Variants in BRIP1 observed in about 807,000 individuals in gnomAD.
BRIP1 encodes Fanconi anemia group J protein.
In BRIP1, 88 loss-of-function variants were observed where a neutral mutation model predicts 119.7. The observed-to-expected ratio is 0.74, with a 90% confidence interval of 0.62 to 0.88. The LOEUF (loss-of-function observed/expected upper bound fraction) is 0.88, where lower values mean the gene tolerates loss of function less well. Ranked by LOEUF, BRIP1 falls within the 40% of genes least tolerant of loss-of-function variation. BRIP1 has a pLI of 0.00. For synonymous variants in BRIP1, 443 were observed against 496.5 expected (o/e 0.89, Z 1.43); for missense variants, 1,259 against 1,455.4 (o/e 0.87, Z 2.20).
chr17:61,723,365 C>T (rs2062014025), intron 16 of BRIP1, among the ~76,000 whole-genome samples: 1 of 152,166 alleles, frequency 6.6e-6, no homozygotes, highest in African/African-American at 2.4e-5. Context: ...GGCATGCTTT[C>T]CAAACAAATA....
At position 61,713,885 on chromosome 17, in the gene BRIP1, GA is replaced by G. The variant is rs1365054138; in HGVS notation, c.2492+2065del. ...ATAAAAAATAAAAATTTCAAAAATA[GA>G]AAAAGCTTATAGAATAAGGATATAA... On this transcript the variant is annotated intron_variant, in intron 17 of 19. Transcript: ENST00000259008. The surrounding 1 kb of genome is among the most constrained non-coding windows in gnomAD (Gnocchi z 4.9). Among the ~76,000 whole-genome samples the G allele has an allele frequency of 3.3e-5, 5 of 151,776 alleles. No individual in the cohort carries two copies. Among genetic ancestry groups the G allele is most frequent in the African/African-American group, 9.7e-5 (4 of 41,326 alleles).
rs2076827267 is a variant in BRIP1, at chr17:61,730,257, C to T, written c.2379+12756G>A. Among the ~76,000 whole-genome samples the T allele has an allele frequency of 6.6e-6, 1 of 152,014 alleles. No individual in the cohort carries two copies. The highest frequency in any genetic ancestry group is 2.1e-4 in the South Asian group (1 of 4,836). ...TGTTATTTGAGACCTTAAAGCTTTACAGTTAGAAAAAAAAGTGACATAGTC... is the reference window on the plus strand; with the variant it reads ...TGTTATTTGAGACCTTAAAGCTTTATAGTTAGAAAAAAAAGTGACATAGTC... On this transcript the variant is annotated intron_variant, in intron 16 of 19. Transcript: ENST00000259008. This position sits in a 1 kb window ranked among gnomAD's most constrained non-coding sequence, Gnocchi z 4.3.
rs1038966789 is a variant in BRIP1, at chr17:61,831,920, C to G, written c.627+15181G>C. ...ACACTCATAATTTTCAGTGTACAGA[C>G]AGACAGATACAGAAAAAATATAGAC... On this transcript the variant is annotated intron_variant, in intron 6 of 19. Transcript: ENST00000259008. The surrounding 1 kb of genome is among the most constrained non-coding windows in gnomAD (Gnocchi z 4.1). Among the ~76,000 whole-genome samples the G allele has an allele frequency of 6.6e-6, 1 of 152,042 alleles. No homozygotes were observed. The highest frequency in any genetic ancestry group is 1.5e-5 in the Non-Finnish European group (1 of 67,992).
rs370764289 is a variant in BRIP1 at position 61,852,901 on chromosome 17, C to G, written c.380-3645G>C. Among the ~76,000 whole-genome samples, 1 of 151,870 alleles carries G rather than the reference C, an allele frequency of 6.6e-6. No individual in the cohort carries two copies. Among genetic ancestry groups the G allele is most frequent in the Admixed American group, 6.6e-5 (1 of 15,250 alleles). ...GCTGCAGGGGTTGGAGGGATCTGAC[C>G]GGGGACGCATAAATTGATTCAACCA... is the stretch of plus-strand genomic sequence containing the variant. On this transcript the variant is annotated intron_variant, in intron 4 of 19. Coordinates refer to ENST00000259008, the MANE Select transcript of BRIP1 (RefSeq NM_032043.3). The surrounding 1 kb of genome is among the most constrained non-coding windows in gnomAD (Gnocchi z 4.9).
intron 16 of BRIP1, among the ~76,000 whole-genome samples, chr17:61,727,093 G>A (rs1243000049): frequency 6.6e-6 from 1 of 152,180 alleles, no homozygotes; most frequent in Admixed American, 6.5e-5. Flanking sequence ...CAGTAATGGT[G>A]CATTCAGCAG....
chr17:61,784,357 C>T lies in BRIP1; in HGVS notation c.1541G>A (p.Arg514Lys), dbSNP rs2145138549. The T allele has an allele frequency of 6.2e-7, 1 of 1,613,250 alleles. No homozygotes were observed. Among genetic ancestry groups the T allele is most frequent in the Non-Finnish European group, 8.5e-7 (1 of 1,179,326 alleles). The change falls in exon 11 of 20, where the codon AGA (arginine) becomes AAA (lysine). Residue 514 changes from arginine (R) to lysine (K), a missense_variant. Physicochemically the swap from Arg to Lys is conservative, Grantham distance 26 (BLOSUM62 2). Coordinates refer to ENST00000259008, the MANE Select transcript of BRIP1 (RefSeq NM_032043.3). ...ISPIYGKEEAREVPVISASTQ... is the reference protein window; with the variant it reads ...ISPIYGKEEAKEVPVISASTQ... Reference sequence around the variant, plus strand: ...TGATGCACTAATAACAGGTACTTCTCTTGCCTCCTCTTTACCATAAATTGG... The same window carrying T: ...TGATGCACTAATAACAGGTACTTCTTTTGCCTCCTCTTTACCATAAATTGG...
rs2061319595 is a variant in BRIP1 at position 61,683,934 on chromosome 17, T to C, written c.3112A>G (p.Thr1038Ala). 6.2e-7 allele frequency: 1 copy of C among 1,614,056 alleles called. No homozygotes were observed. Among genetic ancestry groups the C allele is most frequent in the South Asian group, 1.1e-5 (1 of 91,078 alleles). The change falls in exon 20 of 20, where the codon ACA (threonine) becomes GCA (alanine). Residue 1038 changes from threonine to alanine, a missense_variant. Physicochemically the swap from Thr to Ala is moderately conservative, Grantham distance 58 (BLOSUM62 0). Around this residue, in one of 3 missense-constraint regions of BRIP1, gnomAD observed 753 missense variants for 891.8 expected, o/e 0.84. Coordinates refer to ENST00000259008, the MANE Select transcript of BRIP1 (RefSeq NM_032043.3). The surrounding 1 kb of genome is among the most constrained non-coding windows in gnomAD (Gnocchi z 4.7). Reference sequence around the variant, plus strand: ...ACAGTTTTACTTTCCATCTTCTCTGTTTTGAAACGGGGAGGACTAGAGGCA... The same window carrying C: ...ACAGTTTTACTTTCCATCTTCTCTGCTTTGAAACGGGGAGGACTAGAGGCA... Reference protein sequence around the residue: ...NSASSPPRFKTEKMESKTVLP... With the variant: ...NSASSPPRFKAEKMESKTVLP...
chr17:61,719,456 G>A (rs1212342274), intron 16 of BRIP1, among the ~76,000 whole-genome samples: 1 of 152,126 alleles, frequency 6.6e-6, no homozygotes, highest in Non-Finnish European at 1.5e-5. Context: ...CAGGCACGGT[G>A]GCTCAGGCCT....
At position 61,684,911 on chromosome 17, in the gene BRIP1, C is replaced by T. The variant is rs1395839782; in HGVS notation, c.2906-771G>A. The T allele has an allele frequency of 6.6e-6, 1 of 152,124 alleles. No individual in the cohort carries two copies. The highest frequency in any genetic ancestry group is 2.4e-5 in the African/African-American group (1 of 41,426). 9.4% of individuals were successfully genotyped at this position (152,124 alleles called of 1,614,324 possible). Reference sequence around the variant, plus strand: ...GGGATTACAGACAGCTGCCTCCACACCCAGCTAATTTTTGTATTTTTTTAG... The same window carrying T: ...GGGATTACAGACAGCTGCCTCCACATCCAGCTAATTTTTGTATTTTTTTAG... On this transcript the variant is annotated intron_variant, in intron 19 of 19. Transcript: ENST00000259008. This position sits in a 1 kb window ranked among gnomAD's most constrained non-coding sequence, Gnocchi z 4.5.
intron 10 of BRIP1, among the ~76,000 whole-genome samples, chr17:61,785,108 A>T (rs1290443661): frequency 1.3e-5 from 2 of 152,202 alleles, no homozygotes; most frequent in Non-Finnish European, 2.9e-5. Context: ...GGAATTAAAT[A>T]AAAATGTAGC....
At chr17:61,728,612 G>A (rs988780373) in intron 16 of BRIP1, among the ~76,000 whole-genome samples, 1 of 152,196 alleles carries the variant, frequency 6.6e-6, no homozygotes, top group Admixed American at 6.5e-5. Context: ...GGAAACTGTT[G>A]GGAGGATGTG....
In BRIP1 at chr17:61,802,780, T is replaced by C. The variant is rs2078015407; in HGVS notation, c.919-1306A>G. Among the ~76,000 whole-genome samples, 1 of 152,190 alleles carries C rather than the reference T, an allele frequency of 6.6e-6. No individual in the cohort carries two copies. The highest frequency in any genetic ancestry group is 6.5e-5 in the Admixed American group (1 of 15,272). ...TGCTGGTTTCTAAATATTTTCTTAG[T>C]CTATATTTTTAGAAATGGCATTATG... is the stretch of plus-strand genomic sequence containing the variant. On this transcript the variant is annotated intron_variant, in intron 7 of 19. Transcript: ENST00000259008. The surrounding 1 kb of genome is among the most constrained non-coding windows in gnomAD (Gnocchi z 6.0).
Position 61,693,782 on chromosome 17 carries a change from G to GACTAGAAT in BRIP1, c.2493-271_2493-270insATTCTAGT, listed in dbSNP as rs1400766166. Reference sequence around the variant, plus strand: ...GAAAATTATAGAAAATATATTCTAAGATCTTTCTTAGCCACATAGACTGTT... The same window carrying GACTAGAAT: ...GAAAATTATAGAAAATATATTCTAAGACTAGAATATCTTTCTTAGCCACATAGACTGTT... On this transcript the variant is annotated intron_variant, in intron 17 of 19. Transcript: ENST00000259008. This position sits in a 1 kb window ranked among gnomAD's most constrained non-coding sequence, Gnocchi z 4.2. Among the ~76,000 whole-genome samples, 2 of 152,014 alleles carry GACTAGAAT rather than the reference G, an allele frequency of 1.3e-5. No homozygotes were observed. Among genetic ancestry groups the GACTAGAAT allele is most frequent in the African/African-American group, 4.8e-5 (2 of 41,416 alleles).
Position 61,844,077 on chromosome 17 carries a change from C to A in BRIP1, c.627+3024G>T, listed in dbSNP as rs1195474209. Among the ~76,000 whole-genome samples the A allele has an allele frequency of 6.6e-6, 1 of 151,934 alleles. No individual in the cohort carries two copies. The highest frequency in any genetic ancestry group is 1.9e-4 in the East Asian group (1 of 5,146). Reference sequence around the variant, plus strand: ...TAGCTAGGACTACAAGTACACACCACCACACACAGCTATTTTTTTTCTTCT... The same window carrying A: ...TAGCTAGGACTACAAGTACACACCAACACACACAGCTATTTTTTTTCTTCT... On this transcript the variant is annotated intron_variant, in intron 6 of 19. Coordinates refer to ENST00000259008, the MANE Select transcript of BRIP1 (RefSeq NM_032043.3). The surrounding 1 kb of genome is among the most constrained non-coding windows in gnomAD (Gnocchi z 4.7).
At position 61,726,192 on chromosome 17, in the gene BRIP1, CT is replaced by C. The variant is rs1279101107; in HGVS notation, c.2380-10130del. ...TAATTTCCTTTCTCAATTTCTTCGT[CT>C]GTAAGAAGGGGCTTAGAATTAGAAG... On this transcript the variant is annotated intron_variant, in intron 16 of 19. Transcript: ENST00000259008. The surrounding 1 kb of genome is among the most constrained non-coding windows in gnomAD (Gnocchi z 6.2). 1.3e-5 allele frequency among the ~76,000 whole-genome samples: 2 copies of C among 152,172 alleles called. No individual in the cohort carries two copies. The highest frequency in any genetic ancestry group is 2.9e-5 in the Non-Finnish European group (2 of 68,032).
At chr17:61,719,265 A>G (rs1158148663) in intron 16 of BRIP1, among the ~76,000 whole-genome samples, 1 of 151,254 alleles carries the variant, frequency 6.6e-6, no homozygotes, top group Non-Finnish European at 1.5e-5. Flanking sequence ...GTGGATAAAG[A>G]AAATGTGGTA....
chr17:61,807,878 TCCA>T lies in BRIP1; in HGVS notation c.918+586_918+588del, dbSNP rs1390364777. On this transcript the variant is annotated intron_variant, in intron 7 of 19. Coordinates refer to ENST00000259008, the MANE Select transcript of BRIP1 (RefSeq NM_032043.3). The surrounding 1 kb of genome is among the most constrained non-coding windows in gnomAD (Gnocchi z 4.5). ...CTTTAGTAAGAAAGAATTCTCTATT[TCCA>T]CCAAGCCCAAATTCATATTATTCTA... 6.6e-6 allele frequency among the ~76,000 whole-genome samples: 1 copy of T among 152,080 alleles called. No homozygotes were observed. The highest frequency in any genetic ancestry group is 6.5e-5 in the Admixed American group (1 of 15,276).
At chr17:61,772,188 T>C (rs192430559) in intron 14 of BRIP1, among the ~76,000 whole-genome samples, 2 of 87,444 alleles carry the variant, frequency 2.3e-5, no homozygotes, top group Admixed American at 1.5e-4. Context: ...TATATATATA[T>C]ATATATATAT....
Position 61,744,356 on chromosome 17 carries a change from A to T in BRIP1, c.2257+76T>A. 6.8e-7 allele frequency: 1 copy of T among 1,470,908 alleles called. No homozygotes were observed. Among genetic ancestry groups the T allele is most frequent in the Non-Finnish European group, 9.4e-7 (1 of 1,064,842 alleles). The allele number at this position is 1,470,908 out of a possible 1,614,324, so 91.1% of individuals were successfully genotyped here. A position where few individuals can be genotyped will look rare whatever the true frequency, so the allele number is the denominator to read the frequency against. On this transcript the variant is annotated intron_variant, in intron 15 of 19. Coordinates refer to ENST00000259008, the MANE Select transcript of BRIP1 (RefSeq NM_032043.3). The surrounding 1 kb of genome is among the most constrained non-coding windows in gnomAD (Gnocchi z 5.0). The stretch of plus-strand genomic sequence containing the variant: ...TCTTAAGTGTAATTCATCTAAAAAT[A>T]TAAAATTATAATTGTACCTTCTTAC...
Sources: allele counts gnomAD v4.1 joint callset (sites outside exome capture counted in the v4.1 genomes callset), GRCh38; gene constraint gnomAD v4.1.1; regional missense constraint gnomAD v4.1.1; non-coding constraint Gnocchi (gnomAD v3.1); transcripts MANE v1.5; gene names NCBI Gene and HGNC (gene_info 2026-07-23, HGNC 2026-07-21).